FRMD3: variants seen among roughly 807,000 people sequenced by gnomAD.
The protein encoded by FRMD3 is FERM domain containing 3, also known as FERM domain-containing protein 3.
Under a neutral mutation model 70.2 loss-of-function variants are expected in FRMD3, and 33 were observed. The observed-to-expected ratio is 0.47, with a 90% CI of 0.36 to 0.63. The LOEUF is 0.63. FRMD3 is among the 20% of genes least tolerant of loss of function. The pLI is 0.00. For missense variants in FRMD3, 632 were observed against 711.4 expected (o/e 0.89, Z 1.27); for synonymous variants, 279 against 255.9 (o/e 1.09, Z -0.86).
upstream of FRMD3, among the ~76,000 whole-genome samples, chr9:83,541,602 T>A (rs1490017495): frequency 6.6e-6 from 1 of 152,146 alleles, no homozygotes; most frequent in African/African-American, 2.4e-5. Context: ...TAGCAAGAGA[T>A]GGTTGTGAAA....
At chr9:83,421,575 C>G (rs1826645096) in intron 1 of FRMD3, among the ~76,000 whole-genome samples, 1 of 152,154 alleles carries the variant, frequency 6.6e-6, no homozygotes, top group South Asian at 2.1e-4. Flanking sequence ...ATGCAATGAG[C>G]CATACTTCAA....
intron 10 of FRMD3, among the ~76,000 whole-genome samples, chr9:83,305,023 T>G (rs527865846): frequency 1.2e-4 from 19 of 152,282 alleles, no homozygotes; most frequent in Middle Eastern, 6.8e-3. Context: ...AAAAGCACAC[T>G]GGGGAATTCG....
At chr9:83,443,771 C>T (rs189740255) in intron 1 of FRMD3, among the ~76,000 whole-genome samples, 334 of 152,248 alleles carry the variant, frequency 2.2e-3, no homozygotes, top group Non-Finnish European at 4.2e-3. Flanking sequence ...TGTAAAAGCG[C>T]TCCTATTTCT....
intron 2 of FRMD3, among the ~76,000 whole-genome samples, chr9:83,377,348 G>A (rs1287716879): frequency 6.6e-6 from 1 of 152,158 alleles, no homozygotes; most frequent in Non-Finnish European, 1.5e-5. Context: ...ATTTAGGAGT[G>A]TTAACCAAAG....
At chr9:83,297,111 C>T (rs1246944821) in intron 12 of FRMD3, among the ~76,000 whole-genome samples, 1 of 152,116 alleles carries the variant, frequency 6.6e-6, no homozygotes, top group African/African-American at 2.4e-5. Flanking sequence ...ATTAACCATC[C>T]AAAGATGGTA....
rs544310541 is a variant in FRMD3, at chr9:83,510,214, T to C, written c.147+27871A>G. Reference sequence around the variant, plus strand: ...GAGAGAGTCTTCTCACCGGTTCAAATGTTAACCCCTAAAAGACCTCCCAGC... The same window carrying C: ...GAGAGAGTCTTCTCACCGGTTCAAACGTTAACCCCTAAAAGACCTCCCAGC... On this transcript the variant is annotated intron_variant, in intron 1 of 13. Coordinates refer to ENST00000304195, the MANE Select transcript of FRMD3 (RefSeq NM_174938.6). Among the ~76,000 whole-genome samples, 101 of 152,270 alleles carry C rather than the reference T, an allele frequency of 6.6e-4. 1 individual carries two copies. Among genetic ancestry groups the C allele is most frequent in the African/African-American group, 2.4e-3 (100 of 41,550 alleles).
chr9:83,472,719 A>G (rs1828298154), intron 1 of FRMD3, among the ~76,000 whole-genome samples: 1 of 152,198 alleles, frequency 6.6e-6, no homozygotes, highest in Admixed American at 6.5e-5. Flanking sequence ...TGAATGGATC[A>G]ATTTTTCAAA....
intron 13 of FRMD3, among the ~76,000 whole-genome samples, chr9:83,283,017 G>C (rs1310117624): frequency 6.6e-6 from 1 of 151,870 alleles, no homozygotes; most frequent in African/African-American, 2.4e-5. Flanking sequence ...TAAGTTGTCA[G>C]TAAATACAAA....
chr9:83,357,632 C>T (rs769640886), intron 3 of FRMD3, among the ~76,000 whole-genome samples: 1 of 151,698 alleles, frequency 6.6e-6, no homozygotes, highest in Non-Finnish European at 1.5e-5. Flanking sequence ...GCAGTAGTAA[C>T]GTATCACATT....
chr9:83,418,197 C>T (rs895799968), intron 1 of FRMD3, among the ~76,000 whole-genome samples: 18 of 152,116 alleles, frequency 1.2e-4, no homozygotes, highest in African/African-American at 4.3e-4. Flanking sequence ...GTTGGAAAAA[C>T]TCTTCTAGAC....
At chr9:83,442,510 G>T (rs577646791) in intron 1 of FRMD3, among the ~76,000 whole-genome samples, 2 of 151,924 alleles carry the variant, frequency 1.3e-5, no homozygotes, top group Admixed American at 1.3e-4. Context: ...CACCCACCTC[G>T]GCCTCCCAAA....
At chr9:83,414,670 AG>A (rs1157039474) in intron 1 of FRMD3, among the ~76,000 whole-genome samples, 1 of 152,230 alleles carries the variant, frequency 6.6e-6, no homozygotes, top group African/African-American at 2.4e-5. Flanking sequence ...TTTAAAAATG[AG>A]CAAAAGACTT....
chr9:83,363,701 C>T (rs913823172), intron 3 of FRMD3, among the ~76,000 whole-genome samples: 3 of 152,004 alleles, frequency 2.0e-5, no homozygotes, highest in Non-Finnish European at 4.4e-5. Flanking sequence ...ACTACAGGCG[C>T]CCGCCACCTC....
chr9:83,519,404 C>G (rs1040185328), intron 1 of FRMD3, among the ~76,000 whole-genome samples: 28 of 152,216 alleles, frequency 1.8e-4, no homozygotes, highest in Non-Finnish European at 1.3e-4. Flanking sequence ...CTCATCATCA[C>G]TGGTCATTAG....
At chr9:83,458,000 CAAA>C (rs10555580) in intron 1 of FRMD3, among the ~76,000 whole-genome samples, 3 of 87,942 alleles carry the variant, frequency 3.4e-5, no homozygotes, top group African/African-American at 8.9e-5. Context: ...TATTACCTCT[CAAA>C]AAAAAAAAAA....
chr9:83,448,728 C>T (rs889994854), intron 1 of FRMD3, among the ~76,000 whole-genome samples: 4 of 152,204 alleles, frequency 2.6e-5, no homozygotes, highest in Admixed American at 6.5e-5. Flanking sequence ...ACTCTGCTTT[C>T]GCTAAGATGA....
chr9:83,332,882 T>C (rs142022452), intron 6 of FRMD3, among the ~76,000 whole-genome samples: 45 of 152,234 alleles, frequency 3.0e-4, no homozygotes, highest in African/African-American at 1.1e-3. Context: ...ATGGCCATGG[T>C]TTGGTGCAGC....
intron 1 of FRMD3, among the ~76,000 whole-genome samples, chr9:83,523,205 C>CGGAT (rs1422720689): frequency 5.3e-5 from 8 of 151,326 alleles, no homozygotes; most frequent in South Asian, 2.1e-4. Flanking sequence ...GACGGACGGA[C>CGGAT]GGATGGATAG....
chr9:83,343,870 G>A (rs1219181398), intron 4 of FRMD3, among the ~76,000 whole-genome samples: 1 of 152,236 alleles, frequency 6.6e-6, no homozygotes, highest in Non-Finnish European at 1.5e-5. Flanking sequence ...GATGCCTATT[G>A]AGGCCAGGCA....
Sources: allele counts gnomAD v4.1 joint callset (sites outside exome capture counted in the v4.1 genomes callset), GRCh38; gene constraint gnomAD v4.1.1; transcripts MANE v1.5; gene names NCBI Gene and HGNC (gene_info 2026-07-23, HGNC 2026-07-21).